The following RAP1GAP2 variants were observed in gnomAD, a reference collection of about 807,000 sequenced individuals.
RAP1GAP2 encodes the protein rap1 GTPase-activating protein 2.
RAP1GAP2 carries 27 observed loss-of-function variants against 95.0 expected under a neutral mutation model. The observed-to-expected ratio is 0.28, with a 90% CI of 0.21 to 0.39. The LOEUF (loss-of-function observed/expected upper bound fraction) is 0.39. RAP1GAP2 is among the 10% of genes least tolerant of loss of function. The probability of loss-of-function intolerance (pLI) is 1.00; values close to 1 mark genes in which losing one functional copy is unlikely to be tolerated. For synonymous variants in RAP1GAP2, 373 were observed against 380.9 expected (o/e 0.98, Z 0.24); for missense variants, 771 against 970.0 (o/e 0.79, Z 2.72).
chr17:2,762,713 T>C (rs1436426554), intron 1 of RAP1GAP2, among the ~76,000 whole-genome samples: 1 of 150,884 alleles, frequency 6.6e-6, no homozygotes, highest in African/African-American at 2.4e-5. Context: ...GGGTTAGGAT[T>C]TCAACATAGA....
chr17:2,913,607 G>C (rs1424906533), intron 3 of RAP1GAP2, among the ~76,000 whole-genome samples: 1 of 152,034 alleles, frequency 6.6e-6, no homozygotes, highest in Non-Finnish European at 1.5e-5. Context: ...ATGTTTTAAG[G>C]CCAACTTGCT....
chr17:2,759,400 C>T lies in RAP1GAP2; in HGVS notation c.50+3633C>T, dbSNP rs948904508. 7.9e-5 allele frequency among the ~76,000 whole-genome samples: 12 copies of T among 152,262 alleles called. No individual in the cohort carries two copies. In the South Asian group the frequency reaches 1.4e-3, roughly 18 times the overall value. ...GGCTCAGGTGATCCTTCCACCTCAG[C>T]CCCCTGAGTAACTGGGACTACAGGC... is the stretch of plus-strand genomic sequence containing the variant. On this transcript the variant is annotated intron_variant, in intron 1 of 25. Transcript: ENST00000637138.
chr17:2,885,190 G>A (rs1313534739), intron 2 of RAP1GAP2, among the ~76,000 whole-genome samples: 12 of 152,008 alleles, frequency 7.9e-5, no homozygotes, highest in Admixed American at 6.6e-5. Flanking sequence ...CCGCCACCAC[G>A]CCTGACTAAT....
At position 2,997,249 on chromosome 17, in the gene RAP1GAP2, T is replaced by C. The variant is rs145247829; in HGVS notation, c.1045-972T>C. Among the ~76,000 whole-genome samples, 366 of 152,276 alleles carry C rather than the reference T, an allele frequency of 2.4e-3. 5 individuals carry two copies. Among genetic ancestry groups the C allele is most frequent in the African/African-American group, 8.3e-3 (344 of 41,546 alleles). On this transcript the variant is annotated intron_variant, in intron 13 of 24. Transcript: ENST00000254695. ...AGCTGGGTGAGCAGTGCTGTCATGATCTGCCACCTCATCACTCTCATTCAC... is the reference window on the plus strand; with the variant it reads ...AGCTGGGTGAGCAGTGCTGTCATGACCTGCCACCTCATCACTCTCATTCAC...
intron 1 of RAP1GAP2, 92 bp from the exon 2 acceptor site, chr17:2,800,423 G>T: frequency 6.9e-7 from 1 of 1,453,544 alleles, no homozygotes; most frequent in Non-Finnish European, 9.4e-7. Flanking sequence ...CTGTCTGGTG[G>T]TTTGGGCTGT....
chr17:2,832,200 T>G (rs1320696937), intron 2 of RAP1GAP2, among the ~76,000 whole-genome samples: 1 of 84,416 alleles, frequency 1.2e-5, no homozygotes, highest in East Asian at 2.9e-4. Flanking sequence ...TGAGACTCTG[T>G]CTCCAAAAAA....
chr17:2,772,773 A>G (rs77853242), upstream of RAP1GAP2, among the ~76,000 whole-genome samples: 1,392 of 151,884 alleles, frequency 9.2e-3, 19 homozygotes, highest in African/African-American at 0.031. Context: ...CCCAACTACT[A>G]TGCACACTGC....
chr17:2,784,653 C>T (rs1000127574), intron 1 of RAP1GAP2, among the ~76,000 whole-genome samples: 1 of 152,204 alleles, frequency 6.6e-6, no homozygotes, highest in East Asian at 1.9e-4. Flanking sequence ...GTCCCCAGAT[C>T]CCCGCCTACT....
chr17:2,997,218 A>G (rs1011977892), intron 13 of RAP1GAP2, among the ~76,000 whole-genome samples: 5 of 152,080 alleles, frequency 3.3e-5, no homozygotes, highest in Admixed American at 6.5e-5. Flanking sequence ...CATCCCACCT[A>G]CGCCAAGCTG....
chr17:2,833,552 T>A (rs2070996199), intron 2 of RAP1GAP2, among the ~76,000 whole-genome samples: 1 of 151,480 alleles, frequency 6.6e-6, no homozygotes, highest in Non-Finnish European at 1.5e-5. Context: ...GAGCCGGGTG[T>A]GTTGGCGGGC....
chr17:2,936,506 C>G (rs79613723), intron 3 of RAP1GAP2, among the ~76,000 whole-genome samples: 5,591 of 151,890 alleles, frequency 0.037, 208 homozygotes, highest in African/African-American at 0.094. Context: ...CTCCCTGCCT[C>G]GAACCTCTTT....
intron 17 of RAP1GAP2, among the ~76,000 whole-genome samples, chr17:3,012,892 C>T (rs574768674): frequency 3.3e-5 from 5 of 152,154 alleles, no homozygotes; most frequent in African/African-American, 9.6e-5. Context: ...GTTATTGGTC[C>T]GTAATGCAAT....
chr17:2,886,419 T>C (rs1399837788), intron 2 of RAP1GAP2, among the ~76,000 whole-genome samples: 1 of 152,054 alleles, frequency 6.6e-6, no homozygotes, highest in Non-Finnish European at 1.5e-5. Flanking sequence ...GTGATCCACC[T>C]GTCCTGGCCT....
rs147272987 is a variant in RAP1GAP2, at chr17:3,032,166, C to T, written c.2185-245C>T. ...TCCCTTCCTGAGCTCTCCAGACTAT[C>T]GAGAGCTCCAGGTCCAGATGTGAGG... On this transcript the variant is annotated intron_variant, in intron 23 of 24. Coordinates refer to ENST00000254695, the MANE Select transcript of RAP1GAP2 (RefSeq NM_015085.5). Among the ~76,000 whole-genome samples the T allele has an allele frequency of 1.2e-3, 178 of 147,148 alleles. 1 individual carries two copies. The highest frequency in any genetic ancestry group is 2.2e-3 in the African/African-American group (88 of 39,558).
rs772392945 is a variant in RAP1GAP2, at chr17:3,020,581, C to G, written c.1737C>G (p.Asp579Glu). 6.2e-6 allele frequency: 10 copies of G among 1,613,630 alleles called. No individual in the cohort carries two copies. The highest frequency in any genetic ancestry group is 7.6e-6 in the Non-Finnish European group (9 of 1,179,764). The change falls in exon 19 of 25, where the codon GAC becomes GAG. Residue 579 changes from aspartate to glutamate, a missense_variant. Transcript: ENST00000254695. The stretch of plus-strand genomic sequence containing the variant: ...ACACGGGCTCAGAAGGCCAGGGCGA[C>G]AGCCGGGCACGATGGTAACTGTTGG... ...RLHTGSEGQG[D>E]SRARCDSTSS...
At chr17:2,911,259 G>GTTTTTTTTTTTTTTT (rs1448395526) in intron 3 of RAP1GAP2, among the ~76,000 whole-genome samples, 1 of 110,664 alleles carries the variant, frequency 9.0e-6, no homozygotes, top group Admixed American at 1.0e-4. Context: ...TTTTGAAGGG[G>GTTTTTTTTTTTTTTT]ATTTTTTTTT....
At chr17:2,959,613 G>A (rs1003016554) in intron 4 of RAP1GAP2, among the ~76,000 whole-genome samples, 1 of 152,180 alleles carries the variant, frequency 6.6e-6, no homozygotes, top group Non-Finnish European at 1.5e-5. Context: ...TGAAGCGCCC[G>A]GGTCACTTAG....
rs556243686 is a variant in RAP1GAP2, at chr17:2,992,002, G to A, written c.914+605G>A. ...GCTGGTCTTGAACTCTTGAGCTCAG[G>A]CAATCCACCCACCTCAGCCTCCCAA... On this transcript the variant is annotated intron_variant, in intron 12 of 24. Transcript: ENST00000254695. 2.6e-5 allele frequency among the ~76,000 whole-genome samples: 4 copies of A among 152,028 alleles called. No individual in the cohort carries two copies. In the South Asian group the frequency reaches 8.3e-4, roughly 32 times the overall value.
chr17:2,839,276 C>G (rs1218844622), intron 2 of RAP1GAP2, among the ~76,000 whole-genome samples: 1 of 151,684 alleles, frequency 6.6e-6, no homozygotes, highest in African/African-American at 2.4e-5. Flanking sequence ...CGCCACTGCA[C>G]TCCAGCCTGG....
Sources: gnomAD v4.1 joint callset for allele counts (sites outside exome capture counted in the v4.1 genomes callset) on GRCh38, gnomAD v4.1.1 for gene constraint, MANE v1.5 for transcripts, NCBI Gene and HGNC (gene_info 2026-07-23, HGNC 2026-07-21) for gene names.